The following GALNT14 variants were observed in gnomAD, a reference collection of about 807,000 sequenced individuals.
GALNT14 encodes the protein UDP-GalNAc:polypeptide N-acetylgalactosaminyltransferase 14.
Under a neutral mutation model 77.5 loss-of-function variants are expected in GALNT14, and 60 were observed. The observed-to-expected ratio is 0.77, with a 90% CI of 0.63 to 0.96. The LOEUF (loss-of-function observed/expected upper bound fraction) is 0.96, where lower values mean the gene tolerates loss of function less well. Ranked by LOEUF, GALNT14 falls within the 40% of genes least tolerant of loss-of-function variation. The pLI is 0.00. For synonymous variants in GALNT14, 280 were observed against 281.7 expected, an observed-to-expected ratio of 0.99 and a Z score of 0.06; for missense variants, 710 against 731.0, an observed-to-expected ratio of 0.97 and a Z score of 0.33.
At chr2:31,081,383 C>T (rs1450383756) in intron 1 of GALNT14, among the ~76,000 whole-genome samples, 3 of 152,088 alleles carry the variant, frequency 2.0e-5, no homozygotes, top group Admixed American at 6.5e-5. Flanking sequence ...GAAATCATTT[C>T]GGAACTACAA....
chr2:31,106,884 T>C (rs1558573282), intron 1 of GALNT14, among the ~76,000 whole-genome samples: 1 of 152,290 alleles, frequency 6.6e-6, no homozygotes, highest in East Asian at 1.9e-4. Context: ...GTTCTGAGGA[T>C]GGAAGGAGGG....
intron 1 of GALNT14, among the ~76,000 whole-genome samples, chr2:31,015,533 C>T (rs991113286): frequency 6.6e-6 from 1 of 152,092 alleles, no homozygotes; most frequent in African/African-American, 2.4e-5. Context: ...GTACATCCTC[C>T]AATGTACTAA....
At chr2:30,909,128 C>A (rs1178587702), downstream of GALNT14, among the ~76,000 whole-genome samples, 4 of 151,942 alleles carry the variant, frequency 2.6e-5, no homozygotes, top group East Asian at 5.8e-4. Flanking sequence ...CTAGGCATTA[C>A]CATTCAGGAC....
chr2:30,944,723 A>G (rs1666580276), intron 8 of GALNT14, 135 bp downstream of exon 8: 2 of 642,422 alleles, frequency 3.1e-6, no homozygotes, highest in Non-Finnish European at 5.0e-6. Flanking sequence ...AATAAAGGCA[A>G]AAGTGGAGAT....
At chr2:31,095,550 A>T (rs10490520) in intron 1 of GALNT14, among the ~76,000 whole-genome samples, 13 of 152,150 alleles carry the variant, frequency 8.5e-5, no homozygotes, top group African/African-American at 2.9e-4. Flanking sequence ...CCTACTCATC[A>T]GGACACTAGA....
chr2:30,951,727 G>A (rs113446570), intron 6 of GALNT14, among the ~76,000 whole-genome samples: 17,636 of 152,246 alleles, frequency 0.12, 1,325 homozygotes, highest in Middle Eastern at 0.16. Flanking sequence ...TGGCCATGGG[G>A]ACTGAGTCCA....
At chr2:30,927,717 C>T (rs1665473213) in intron 11 of GALNT14, among the ~76,000 whole-genome samples, 3 of 151,996 alleles carry the variant, frequency 2.0e-5, no homozygotes, top group Admixed American at 6.5e-5. Context: ...CTGCTGCCAG[C>T]GAAAGAGGGG....
At chr2:30,944,106 CA>C (rs1449760446) in intron 8 of GALNT14, among the ~76,000 whole-genome samples, 7 of 152,230 alleles carry the variant, frequency 4.6e-5, no homozygotes, top group African/African-American at 1.7e-4. Context: ...CTGCCTGAGG[CA>C]GGCTTGTTTT....
chr2:30,931,100 A>G (rs1021715647), intron 10 of GALNT14, among the ~76,000 whole-genome samples: 4 of 152,260 alleles, frequency 2.6e-5, no homozygotes, highest in Admixed American at 2.6e-4. Flanking sequence ...TTTGCTCCCC[A>G]CTGCTTCCTG....
intron 1 of GALNT14, among the ~76,000 whole-genome samples, chr2:31,051,457 C>T (rs554959745): frequency 6.3e-4 from 96 of 152,322 alleles, no homozygotes; most frequent in African/African-American, 2.2e-3. Flanking sequence ...GGCTGCAACA[C>T]AGAACCCCTG....
In GALNT14 at chr2:30,929,500, G is replaced by GGAGT. The variant is rs547788469; in HGVS notation, c.1059-17_1059-14dup. 8,721 of 1,604,070 alleles carry GGAGT rather than the reference G, an allele frequency of 5.4e-3. 92 individuals carry two copies. Among genetic ancestry groups the GGAGT allele is most frequent in the South Asian group, 0.029 (2,604 of 90,664 alleles). ...CCGCTTGGTGTTCCTGGGAAAACAA[G>GGAGT]GAGTGACAAGGGGTGTCAGTAAGGG... is the stretch of plus-strand genomic sequence containing the variant. On this transcript the variant is annotated splice_polypyrimidine_tract_variant and intron_variant, in intron 10 of 14. Coordinates refer to ENST00000349752, the MANE Select transcript of GALNT14 (RefSeq NM_024572.4).
chr2:31,048,444 C>T (rs1673620611), intron 1 of GALNT14, among the ~76,000 whole-genome samples: 2 of 152,158 alleles, frequency 1.3e-5, no homozygotes, highest in South Asian at 2.1e-4. Flanking sequence ...GCAGACAGTC[C>T]TAATGGTGGT....
chr2:31,041,469 T>C (rs533807977), intron 1 of GALNT14, among the ~76,000 whole-genome samples: 10 of 152,084 alleles, frequency 6.6e-5, no homozygotes, highest in South Asian at 6.2e-4. Context: ...GAGATGAAGA[T>C]ACAGGGTCCT....
intron 1 of GALNT14, among the ~76,000 whole-genome samples, chr2:31,009,051 GA>G (rs777143550): frequency 6.6e-6 from 1 of 152,208 alleles, no homozygotes; most frequent in Non-Finnish European, 1.5e-5. Flanking sequence ...GGGAGATAAT[GA>G]CAGCAGAACT....
At chr2:30,968,441 A>G (rs1184274757) in intron 2 of GALNT14, among the ~76,000 whole-genome samples, 2 of 152,226 alleles carry the variant, frequency 1.3e-5, no homozygotes, top group Non-Finnish European at 2.9e-5. Context: ...AATCACAAAA[A>G]CATTGCAGGC....
At chr2:30,932,527 G>A (rs536100756) in intron 9 of GALNT14, among the ~76,000 whole-genome samples, 144 of 152,354 alleles carry the variant, frequency 9.5e-4, no homozygotes, top group African/African-American at 3.3e-3. Context: ...TAAGAGAGTT[G>A]CCTTCTAACT....
At chr2:30,917,703 G>A (rs889658469) in intron 13 of GALNT14, among the ~76,000 whole-genome samples, 3 of 152,196 alleles carry the variant, frequency 2.0e-5, no homozygotes, top group East Asian at 1.9e-4. Context: ...TACGGTTCCC[G>A]TTTTGTAGAA....
At chr2:31,072,282 T>TAC (rs1198431998) in intron 1 of GALNT14, among the ~76,000 whole-genome samples, 564 of 37,802 alleles carry the variant, frequency 0.015, 5 homozygotes, top group African/African-American at 0.067. Context: ...CACACACACA[T>TAC]ACACACACAC....
At chr2:30,966,657 C>T (rs1191580602) in intron 2 of GALNT14, among the ~76,000 whole-genome samples, 1 of 152,168 alleles carries the variant, frequency 6.6e-6, no homozygotes, top group Non-Finnish European at 1.5e-5. Flanking sequence ...GCTCTGCTTC[C>T]CACTCTCTAC....
Sources: allele counts gnomAD v4.1 joint callset (sites outside exome capture counted in the v4.1 genomes callset), GRCh38; gene constraint gnomAD v4.1.1; transcripts MANE v1.5; gene names NCBI Gene and HGNC (gene_info 2026-07-23, HGNC 2026-07-21).